RBL1: variants seen among roughly 807,000 people sequenced by gnomAD.
The protein encoded by RBL1 is retinoblastoma-like protein 1.
A neutral mutation model predicts 123.0 loss-of-function variants in RBL1; 82 were observed. The ratio of observed to expected loss-of-function variants is 0.67; its 90% CI spans 0.56 to 0.80. The LOEUF is 0.80. RBL1 is among the 30% of genes least tolerant of loss of function. The pLI, the probability that RBL1 is intolerant of heterozygous loss-of-function variation, is 0.00. For synonymous variants in RBL1, 405 were observed against 441.3 expected (o/e 0.92, Z 1.03); for missense variants, 1,171 against 1,299.6 (o/e 0.90, Z 1.52).
intron 11 of RBL1, chr20:37,049,734 A>G: frequency 1.7e-6 from 1 of 595,392 alleles, no homozygotes; most frequent in Non-Finnish European, 3.0e-6. Context: ...AAAAGATATA[A>G]ACTAACATTT....
chr20:37,072,294 C>A (rs539449421), intron 2 of RBL1, among the ~76,000 whole-genome samples: 1 of 152,268 alleles, frequency 6.6e-6, no homozygotes, highest in African/African-American at 2.4e-5. Flanking sequence ...CATGGAGAAA[C>A]CCTGTCTCTA....
At chr20:37,091,323 ACTCCAG>A (rs1379931468) in intron 1 of RBL1, among the ~76,000 whole-genome samples, 4 of 151,104 alleles carry the variant, frequency 2.6e-5, no homozygotes, top group Admixed American at 6.7e-5. Context: ...ACGCCACTGC[ACTCCAG>A]CCTGCGCAAC....
rs752047242 is a variant in RBL1 at position 37,032,857 on chromosome 20, T to C, written c.2190A>G (p.Gly730=). The C allele has an allele frequency of 6.2e-7, 1 of 1,613,970 alleles. No individual in the cohort carries two copies. Among genetic ancestry groups the C allele is most frequent in the Non-Finnish European group, 8.5e-7 (1 of 1,179,974 alleles). ...IPLHGVANDA[G]EITLIPLSMN... ...TGGAAAGAGGTATCAGTGTGATCTC[T>C]CCAGCATCATTTGCGACACCTGAAT... Residue 730 remains glycine, a synonymous_variant, in exon 16 of 22, where the codon GGA becomes GGG. Transcript: ENST00000373664.
At chr20:37,079,525 G>A (rs1032739197) in intron 2 of RBL1, among the ~76,000 whole-genome samples, 1 of 143,362 alleles carries the variant, frequency 7.0e-6, no homozygotes, top group Non-Finnish European at 1.5e-5. Context: ...GGAGTGCAGT[G>A]GCATGATCAT....
intron 19 of RBL1, among the ~76,000 whole-genome samples, chr20:37,011,630 T>G (rs1467394838): frequency 6.6e-6 from 1 of 151,954 alleles, no homozygotes; most frequent in South Asian, 2.1e-4. Flanking sequence ...AGATGGGGTT[T>G]CACCATGTCG....
intron 11 of RBL1, among the ~76,000 whole-genome samples, chr20:37,048,308 A>G (rs1159378921): frequency 1.3e-5 from 2 of 152,214 alleles, no homozygotes; most frequent in African/African-American, 2.4e-5. Flanking sequence ...ACTCTATGGG[A>G]TCAGATGACA....
Position 37,047,114 on chromosome 20 carries a change from G to T in RBL1, c.1544C>A (p.Ser515Ter). ...CLEIVLFAYS[S>*]PRTFPWIIEV... ...AATAATCCAAGGAAAAGTACGAGGT[G>T]AGCTATAGGCAAAGAGCACAATTTC... Residue 515 changes from serine to a stop codon, truncating the protein, a stop_gained, in exon 12 of 22, where the codon TCA becomes TAA. Coordinates refer to ENST00000373664, the MANE Select transcript of RBL1 (RefSeq NM_002895.5). LOFTEE classifies it high-confidence loss of function. 6.2e-7 allele frequency: 1 copy of T among 1,606,094 alleles called. No individual in the cohort carries two copies. Among genetic ancestry groups the T allele is most frequent in the Non-Finnish European group, 8.5e-7 (1 of 1,178,490 alleles).
intron 6 of RBL1, among the ~76,000 whole-genome samples, chr20:37,065,972 G>A (rs2065171277): frequency 6.6e-6 from 1 of 152,106 alleles, no homozygotes; most frequent in Non-Finnish European, 1.5e-5. Context: ...CAGACAATGG[G>A]CCATAATATA....
At chr20:37,037,515 A>G (rs1472505801) in intron 14 of RBL1, among the ~76,000 whole-genome samples, 2 of 148,276 alleles carry the variant, frequency 1.3e-5, no homozygotes, top group Admixed American at 1.3e-4. Flanking sequence ...AGTATACTAA[A>G]TATTTTTACT....
chr20:37,033,472 T>C (rs1462707227), intron 15 of RBL1, among the ~76,000 whole-genome samples: 2 of 151,976 alleles, frequency 1.3e-5, no homozygotes, highest in African/African-American at 4.8e-5. Flanking sequence ...AGTGAGCTAC[T>C]GTGCCCGGCT....
intron 2 of RBL1, among the ~76,000 whole-genome samples, chr20:37,079,725 C>T (rs557854376): frequency 7.2e-5 from 11 of 152,130 alleles, no homozygotes; most frequent in South Asian, 6.2e-4. Flanking sequence ...CCCTCCCAAG[C>T]GATCCTCCCA....
At chr20:37,035,643 TG>T (rs2064598672) in intron 14 of RBL1, 135 bp from the exon 15 acceptor site, 1 of 737,746 alleles carries the variant, frequency 1.4e-6, no homozygotes, top group East Asian at 2.9e-5. Context: ...TTTGCCCTCA[TG>T]GAATATGTAG....
At position 37,018,492 on chromosome 20, in the gene RBL1, A is replaced by C; in HGVS notation, c.2632-123T>G. On this transcript the variant is annotated intron_variant, in intron 18 of 21. Transcript: ENST00000373664. ...CTATTTGTCTGTATAAGTGATACTC[A>C]AGGGTAAAATGTTATTAGCTCTAGT... is the stretch of plus-strand genomic sequence containing the variant. 8.3e-6 allele frequency: 11 copies of C among 1,332,048 alleles called. No homozygotes were observed. In the Admixed American group the frequency reaches 1.0e-4, roughly 12 times the overall value. 82.5% of individuals were successfully genotyped at this position (1,332,048 alleles called of 1,614,324 possible).
At chr20:37,039,913 T>A (rs1007931812) in intron 14 of RBL1, among the ~76,000 whole-genome samples, 3 of 152,036 alleles carry the variant, frequency 2.0e-5, no homozygotes, top group African/African-American at 7.2e-5. Context: ...CAGGAAAGAT[T>A]ACATATATTT....
intron 19 of RBL1, among the ~76,000 whole-genome samples, chr20:37,017,388 T>C (rs963124648): frequency 1.3e-5 from 2 of 151,068 alleles, no homozygotes; most frequent in African/African-American, 4.9e-5. Flanking sequence ...AAAAAAATCA[T>C]AGTATATACA....
chr20:37,017,620 T>TTTGTGTGTGTGTG (rs1555850065), intron 19 of RBL1, among the ~76,000 whole-genome samples: 24 of 139,808 alleles, frequency 1.7e-4, no homozygotes, highest in African/African-American at 5.8e-4. Flanking sequence ...GGACATTTTC[T>TTTGTGTGTGTGTG]TGTGTGTGTG....
At chr20:37,076,476 C>A (rs970024635) in intron 2 of RBL1, among the ~76,000 whole-genome samples, 1 of 152,180 alleles carries the variant, frequency 6.6e-6, no homozygotes, top group Non-Finnish European at 1.5e-5. Flanking sequence ...AAGTGGCCAA[C>A]AGGCAGGTAG....
chr20:37,045,231 C>T (rs141450232), intron 12 of RBL1, among the ~76,000 whole-genome samples: 3,095 of 151,904 alleles, frequency 0.02, 108 homozygotes, highest in African/African-American at 0.071. Flanking sequence ...CTCAGCCTCC[C>T]GGGTAGCTGG....
intron 16 of RBL1, among the ~76,000 whole-genome samples, chr20:37,031,371 A>G (rs2064508442): frequency 1.3e-5 from 2 of 152,138 alleles, no homozygotes; most frequent in Non-Finnish European, 2.9e-5. Context: ...CTCATAATTA[A>G]AAAAATGGGC....
Sources: allele counts gnomAD v4.1 joint callset (sites outside exome capture counted in the v4.1 genomes callset), GRCh38; gene constraint gnomAD v4.1.1; transcripts MANE v1.5; gene names NCBI Gene and HGNC (gene_info 2026-07-23, HGNC 2026-07-21).